Variants in KCNN2 observed in about 807,000 individuals in gnomAD.
KCNN2 encodes the protein potassium calcium-activated channel subfamily N member 2.
KCNN2 carries 24 observed loss-of-function variants against 55.5 expected under a neutral mutation model. The observed-to-expected ratio is 0.43, with a 90% CI of 0.31 to 0.61. KCNN2 has a LOEUF of 0.61. KCNN2 is among the 20% of genes least tolerant of loss of function. KCNN2 has a pLI of 0.08. For synonymous variants in KCNN2, 431 were observed against 336.1 expected (o/e 1.28, Z -3.09); for missense variants, 754 against 853.6 (o/e 0.88, Z 1.45).
intron 4 of KCNN2, among the ~76,000 whole-genome samples, chr5:114,471,443 A>AT (rs1487556078): frequency 2.0e-5 from 3 of 152,262 alleles, no homozygotes; most frequent in African/African-American, 4.8e-5. Flanking sequence ...GCAGCCATCC[A>AT]TTTTTTTACT....
intron 1 of KCNN2, among the ~76,000 whole-genome samples, chr5:114,148,643 G>A (rs1465787217): frequency 3.0e-4 from 45 of 152,062 alleles, no homozygotes; most frequent in Admixed American, 3.0e-3. Context: ...AGGATGAGAG[G>A]AATGAGAAAC....
intron 2 of KCNN2, among the ~76,000 whole-genome samples, chr5:114,314,867 G>T (rs554555483): frequency 2.2e-4 from 34 of 152,178 alleles, no homozygotes; most frequent in African/African-American, 7.2e-4. Flanking sequence ...TGGACCTTAA[G>T]GTGCTCTTGA....
rs1234484302 is a variant in KCNN2, at chr5:114,074,076, C to A, written c.-271+17576C>A. On this transcript the variant is annotated intron_variant, in intron 1 of 10. Transcript: ENST00000512097. ...GTTGACTTACTGCCCTGGTTTTATT[C>A]TCTCTTCTTATTATGAAAACACTAT... 2.0e-5 allele frequency among the ~76,000 whole-genome samples: 3 copies of A among 152,096 alleles called. No individual in the cohort carries two copies. The East Asian group carries it at 5.8e-4, about 29-fold the overall frequency.
intron 4 of KCNN2, among the ~76,000 whole-genome samples, chr5:114,463,399 G>C (rs760190170): frequency 6.6e-6 from 1 of 152,224 alleles, no homozygotes; most frequent in Non-Finnish European, 1.5e-5. Flanking sequence ...AGGTAGAGCT[G>C]TTTGATTGCC....
At chr5:114,305,899 T>C (rs182587751) in intron 2 of KCNN2, among the ~76,000 whole-genome samples, 1 of 152,204 alleles carries the variant, frequency 6.6e-6, no homozygotes, top group African/African-American at 2.4e-5. Flanking sequence ...GATAAAGCAA[T>C]ATACTTGTAA....
At chr5:114,088,774 C>A (rs1355040005) in intron 1 of KCNN2, among the ~76,000 whole-genome samples, 2 of 152,044 alleles carry the variant, frequency 1.3e-5, no homozygotes, top group African/African-American at 4.8e-5. Context: ...CGTCTGCCAC[C>A]ATTATCAGCT....
At chr5:114,161,257 A>G (rs1338857523) in intron 1 of KCNN2, among the ~76,000 whole-genome samples, 3 of 152,038 alleles carry the variant, frequency 2.0e-5, no homozygotes, top group South Asian at 2.1e-4. Context: ...TGCTTCACTT[A>G]TGAAGCTTAG....
intron 1 of KCNN2, 138 bp downstream of exon 1, chr5:114,363,399 T>TC: frequency 3.6e-6 from 4 of 1,111,198 alleles, no homozygotes; most frequent in Non-Finnish European, 5.0e-6. Context: ...AGCGGGCGCG[T>TC]CTAGGACGCG....
At chr5:114,225,573 ATACATAG>A (rs1554075660) in intron 2 of KCNN2, among the ~76,000 whole-genome samples, 3 of 152,180 alleles carry the variant, frequency 2.0e-5, no homozygotes, top group Non-Finnish European at 1.5e-5. Context: ...ACAGTGCTTG[ATACATAG>A]TAGGTGCTCA....
chr5:114,402,060 G>A (rs2150069776), intron 2 of KCNN2, among the ~76,000 whole-genome samples: 1 of 152,282 alleles, frequency 6.6e-6, no homozygotes, highest in South Asian at 2.1e-4. Flanking sequence ...GATGGACTCT[G>A]GTAGTGTGTT....
intron 1 of KCNN2, among the ~76,000 whole-genome samples, chr5:114,060,798 T>C (rs1467347407): frequency 6.6e-6 from 1 of 152,252 alleles, no homozygotes; most frequent in Non-Finnish European, 1.5e-5. Flanking sequence ...GCCTGGCATG[T>C]AAGAAGGGCA....
At chr5:114,471,612 A>C (rs1761750372) in intron 4 of KCNN2, among the ~76,000 whole-genome samples, 1 of 152,180 alleles carries the variant, frequency 6.6e-6, no homozygotes, top group Admixed American at 6.5e-5. Flanking sequence ...ATAATCATTT[A>C]CTCTGCTTTA....
intron 2 of KCNN2, among the ~76,000 whole-genome samples, chr5:114,267,247 G>A (rs541279483): frequency 1.7e-4 from 26 of 152,100 alleles, no homozygotes; most frequent in African/African-American, 6.0e-4. Flanking sequence ...CCCACCCCTC[G>A]GCCTCCCAAA....
At chr5:114,267,457 G>C (rs1324017112) in intron 2 of KCNN2, among the ~76,000 whole-genome samples, 1 of 152,072 alleles carries the variant, frequency 6.6e-6, no homozygotes, top group Non-Finnish European at 1.5e-5. Flanking sequence ...CAGTTTGAGG[G>C]TGGGCAATAT....
intron 2 of KCNN2, among the ~76,000 whole-genome samples, chr5:114,310,024 C>G (rs750325851): frequency 2.0e-5 from 3 of 152,182 alleles, no homozygotes; most frequent in Non-Finnish European, 4.4e-5. Context: ...CAGGACCTAA[C>G]CCTTCTTAAA....
At chr5:114,436,293 A>G (rs1003230253) in intron 3 of KCNN2, among the ~76,000 whole-genome samples, 8 of 152,236 alleles carry the variant, frequency 5.3e-5, no homozygotes, top group Non-Finnish European at 1.0e-4. Context: ...AATCAGTGTA[A>G]CAGATTTAGG....
At chr5:114,486,589 C>A in intron 5 of KCNN2, 1 of 402,516 alleles carries the variant, frequency 2.5e-6, no homozygotes, top group Non-Finnish European at 4.5e-6. Flanking sequence ...TGTACTTATA[C>A]ATTCAGCACT....
At chr5:114,346,503 C>A (rs545856910) in intron 2 of KCNN2, among the ~76,000 whole-genome samples, 7 of 151,990 alleles carry the variant, frequency 4.6e-5, no homozygotes, top group Non-Finnish European at 1.0e-4. Flanking sequence ...CCAGATGTTT[C>A]GTTGTTAAAG....
intron 2 of KCNN2, among the ~76,000 whole-genome samples, chr5:114,230,283 C>CTT (rs1318712958): frequency 0.038 from 3,821 of 99,400 alleles, 195 homozygotes; most frequent in African/African-American, 0.12. Context: ...TTTTTTCTTT[C>CTT]TTTCTTTTTT....
Sources: allele counts gnomAD v4.1 joint callset (sites outside exome capture counted in the v4.1 genomes callset), GRCh38; gene constraint gnomAD v4.1.1; transcripts MANE v1.5; gene names NCBI Gene and HGNC (gene_info 2026-07-23, HGNC 2026-07-21).